KCNH1: variants seen among roughly 807,000 people sequenced by gnomAD.
KCNH1 encodes the protein potassium voltage-gated channel subfamily H member 1, also known as voltage-gated delayed rectifier potassium channel KCNH1.
KCNH1 carries 27 observed loss-of-function variants against 69.2 expected under a neutral mutation model. The ratio of observed to expected loss-of-function variants is 0.39; its 90% CI spans 0.29 to 0.54. The LOEUF is 0.54. Ranked by LOEUF, KCNH1 falls within the 20% of genes least tolerant of loss-of-function variation. The probability of loss-of-function intolerance (pLI) is 0.68; values close to 1 mark genes in which losing one functional copy is unlikely to be tolerated. For missense variants in KCNH1, 798 were observed against 1,261.6 expected (o/e 0.63, Z 5.57); for synonymous variants, 456 against 487.7 (o/e 0.93, Z 0.86).
intron 6 of KCNH1, among the ~76,000 whole-genome samples, chr1:210,985,488 G>T (rs1352490956): frequency 2.0e-5 from 3 of 152,066 alleles, no homozygotes; most frequent in African/African-American, 7.2e-5. Flanking sequence ...TTGTGTCTTT[G>T]TTCTCGCTGG....
chr1:210,925,034 A>T (rs1368796114), intron 6 of KCNH1, among the ~76,000 whole-genome samples: 1 of 152,218 alleles, frequency 6.6e-6, no homozygotes, highest in African/African-American at 2.4e-5. Flanking sequence ...ACTCCATAAA[A>T]CTGAAAGAGG....
chr1:210,989,618 A>G (rs561479213), intron 6 of KCNH1, among the ~76,000 whole-genome samples: 2 of 152,178 alleles, frequency 1.3e-5, no homozygotes, highest in East Asian at 3.9e-4. Flanking sequence ...AGGAACAGAA[A>G]TGAGAAAAAG....
At chr1:210,835,043 G>C (rs1418571891) in intron 7 of KCNH1, among the ~76,000 whole-genome samples, 2 of 152,164 alleles carry the variant, frequency 1.3e-5, no homozygotes, top group Non-Finnish European at 2.9e-5. Context: ...CTGAAGATAG[G>C]AGAGAACTGG....
At chr1:210,964,411 T>C (rs530654932) in intron 6 of KCNH1, among the ~76,000 whole-genome samples, 2 of 152,140 alleles carry the variant, frequency 1.3e-5, no homozygotes, top group East Asian at 3.9e-4. Flanking sequence ...AACAACATAA[T>C]GACAGGATCA....
chr1:211,048,513 C>A (rs923461951), intron 5 of KCNH1, among the ~76,000 whole-genome samples: 16 of 152,086 alleles, frequency 1.1e-4, no homozygotes, highest in African/African-American at 3.9e-4. Context: ...ACTACTCAGC[C>A]ATAAAAAGGA....
At chr1:210,954,362 C>T (rs1017633321) in intron 6 of KCNH1, among the ~76,000 whole-genome samples, 7 of 152,168 alleles carry the variant, frequency 4.6e-5, no homozygotes, top group Non-Finnish European at 1.0e-4. Context: ...CTGCAATAAA[C>T]ATATATGTGC....
chr1:210,877,847 A>C (rs1316584340), intron 7 of KCNH1, among the ~76,000 whole-genome samples: 1 of 152,192 alleles, frequency 6.6e-6, no homozygotes, highest in Non-Finnish European at 1.5e-5. Context: ...CACCTGATAC[A>C]TAGGTGATAA....
chr1:211,004,200 A>G (rs530152245), intron 6 of KCNH1, among the ~76,000 whole-genome samples: 19 of 152,314 alleles, frequency 1.2e-4, no homozygotes, highest in African/African-American at 3.6e-4. Context: ...CAGACAAACA[A>G]AATATGAGAA....
At chr1:211,096,921 A>G (rs1691167050) in intron 3 of KCNH1, among the ~76,000 whole-genome samples, 1 of 152,210 alleles carries the variant, frequency 6.6e-6, no homozygotes, top group African/African-American at 2.4e-5. Flanking sequence ...AATATCATTC[A>G]TTGAGTACTT....
chr1:210,807,302 T>C (rs957306227), intron 7 of KCNH1, among the ~76,000 whole-genome samples: 3 of 152,078 alleles, frequency 2.0e-5, no homozygotes, highest in Non-Finnish European at 4.4e-5. Context: ...TATAATTATG[T>C]CATTTTAAGA....
chr1:211,005,716 A>T (rs1040504701), intron 6 of KCNH1, among the ~76,000 whole-genome samples: 1 of 152,170 alleles, frequency 6.6e-6, no homozygotes, highest in Non-Finnish European at 1.5e-5. Context: ...CAAGACACAA[A>T]AGCACATAAA....
chr1:210,812,789 C>T lies in KCNH1; in HGVS notation c.1463-8623G>A, dbSNP rs573887283. 7.2e-4 allele frequency among the ~76,000 whole-genome samples: 110 copies of T among 152,260 alleles called. 1 individual carries two copies. The highest frequency in any genetic ancestry group is 1.3e-3 in the Non-Finnish European group (89 of 68,014). The stretch of plus-strand genomic sequence containing the variant: ...AGTCTAAAAAGGCAGAGAAGGAGCT[C>T]ACAAGTTAAATTTTCTGCTTTCTAT... On this transcript the variant is annotated intron_variant, in intron 7 of 10. Transcript: ENST00000271751.
chr1:210,760,415 C>T (rs1009684596), intron 10 of KCNH1, among the ~76,000 whole-genome samples: 3 of 152,138 alleles, frequency 2.0e-5, no homozygotes, highest in Non-Finnish European at 2.9e-5. Flanking sequence ...GATAAGCCAG[C>T]CAAGAATTTC....
At position 210,989,718 on chromosome 1, in the gene KCNH1, G is replaced by A. The variant is rs149774863; in HGVS notation, c.1032+29065C>T. ...AGATTCAAATGCAGTGAAAACCATC[G>A]GGGCTCTCAGGATAATCTATAGGTA... On this transcript the variant is annotated intron_variant, in intron 6 of 10. Transcript: ENST00000271751. Among the ~76,000 whole-genome samples the A allele has an allele frequency of 2.3e-3, 354 of 152,258 alleles. 2 individuals carry two copies. Among genetic ancestry groups the A allele is most frequent in the African/African-American group, 8.3e-3 (344 of 41,552 alleles).
chr1:210,789,235 C>T (rs964153537), intron 9 of KCNH1, among the ~76,000 whole-genome samples: 7 of 152,178 alleles, frequency 4.6e-5, no homozygotes, highest in Non-Finnish European at 1.0e-4. Context: ...CAGTGGGGTA[C>T]CCCCTCCTCT....
At chr1:210,979,789 C>T (rs1688677965) in intron 6 of KCNH1, among the ~76,000 whole-genome samples, 1 of 152,168 alleles carries the variant, frequency 6.6e-6, no homozygotes, top group Non-Finnish European at 1.5e-5. Context: ...ATCTTCAGCA[C>T]ACCCTATGTA....
intron 7 of KCNH1, among the ~76,000 whole-genome samples, chr1:210,825,870 T>C (rs1685021042): frequency 1.3e-5 from 2 of 152,222 alleles, no homozygotes; most frequent in South Asian, 2.1e-4. Flanking sequence ...ATTTCACTTG[T>C]ATCATTGTTT....
At position 210,913,558 on chromosome 1, in the gene KCNH1, C is replaced by T. The variant is rs190869115; in HGVS notation, c.1462+6082G>A. 2.2e-3 allele frequency among the ~76,000 whole-genome samples: 331 copies of T among 152,262 alleles called. 1 individual carries two copies. The highest frequency in any genetic ancestry group is 6.0e-3 in the Admixed American group (92 of 15,284). ...GTCAGGAGAGCCTCTTACCTCTAAT[C>T]CACAAAAATAGAGGATACAGCCCAA... On this transcript the variant is annotated intron_variant, in intron 7 of 10. Coordinates refer to ENST00000271751, the MANE Select transcript of KCNH1 (RefSeq NM_172362.3).
chr1:211,051,815 T>C (rs1690211144), intron 5 of KCNH1, among the ~76,000 whole-genome samples: 1 of 152,222 alleles, frequency 6.6e-6, no homozygotes, highest in Admixed American at 6.5e-5. Flanking sequence ...AGTAGTATTA[T>C]ACTTATTTCA....
Sources: allele counts gnomAD v4.1 joint callset (sites outside exome capture counted in the v4.1 genomes callset), GRCh38; gene constraint gnomAD v4.1.1; transcripts MANE v1.5; gene names NCBI Gene and HGNC (gene_info 2026-07-23, HGNC 2026-07-21).